The following TRPC7 variants were observed in gnomAD, a reference collection of about 807,000 sequenced individuals.
The protein encoded by TRPC7 is short transient receptor potential channel 7.
A neutral mutation model predicts 90.1 loss-of-function variants in TRPC7; 42 were observed. That is an observed-to-expected ratio of 0.47 (90% CI 0.36 to 0.60). The LOEUF (loss-of-function observed/expected upper bound fraction) is 0.60. Among genes scored for constraint, TRPC7 ranks in the 20% least tolerant of loss-of-function variants. TRPC7 has a pLI of 0.00. For missense variants in TRPC7, 955 were observed against 1,112.3 expected (o/e 0.86, Z 2.01); for synonymous variants, 451 against 436.3 (o/e 1.03, Z -0.42).
At chr5:136,297,487 A>G (rs769885654) in intron 3 of TRPC7, among the ~76,000 whole-genome samples, 19 of 152,142 alleles carry the variant, frequency 1.2e-4, no homozygotes, top group Non-Finnish European at 2.6e-4. Flanking sequence ...ACAAATATAC[A>G]TATATATTAA....
chr5:136,350,908 A>T (rs1760172906), intron 2 of TRPC7, among the ~76,000 whole-genome samples: 2 of 152,222 alleles, frequency 1.3e-5, no homozygotes, highest in Non-Finnish European at 2.9e-5. Flanking sequence ...GTATACAGTC[A>T]TCCCTCAGTA....
chr5:136,341,233 CA>C (rs1759835012), intron 2 of TRPC7, among the ~76,000 whole-genome samples: 3 of 151,904 alleles, frequency 2.0e-5, no homozygotes. Flanking sequence ...TAAAGTTCAT[CA>C]ATAGGGAAAT....
chr5:136,255,466 G>A (rs1446459671), intron 5 of TRPC7, among the ~76,000 whole-genome samples: 1 of 152,208 alleles, frequency 6.6e-6, no homozygotes, highest in East Asian at 1.9e-4. Context: ...TCTAGCAATA[G>A]AGTAATTTTA....
intron 2 of TRPC7, among the ~76,000 whole-genome samples, chr5:136,354,937 A>G (rs1760314456): frequency 2.0e-5 from 3 of 152,166 alleles, no homozygotes; most frequent in Admixed American, 2.0e-4. Context: ...ACCCAATTAC[A>G]TCTCCTTTGA....
chr5:136,244,366 C>T (rs1213180737), intron 7 of TRPC7, among the ~76,000 whole-genome samples: 4 of 152,114 alleles, frequency 2.6e-5, no homozygotes, highest in Non-Finnish European at 4.4e-5. Context: ...CACTGATCTT[C>T]TGAGGGAGTG....
intron 3 of TRPC7, among the ~76,000 whole-genome samples, chr5:136,303,257 C>A (rs1758469266): frequency 6.6e-6 from 1 of 152,116 alleles, no homozygotes; most frequent in Non-Finnish European, 1.5e-5. Flanking sequence ...AACCCTGAGA[C>A]ACTTTACAGC....
chr5:136,257,982 T>C (rs1368631532), intron 5 of TRPC7, among the ~76,000 whole-genome samples: 2 of 152,206 alleles, frequency 1.3e-5, no homozygotes, highest in Non-Finnish European at 2.9e-5. Context: ...CTATTAGCAG[T>C]ATGACTGTGG....
At position 136,241,870 on chromosome 5, in the gene TRPC7, CT is replaced by C. The variant is rs1269346752; in HGVS notation, c.1844+5600del. ...CGCGCCCAGCCTAGGCACCCTTTTT[CT>C]ATGCATTGTCACTCAGCTGTATTTC... On this transcript the variant is annotated intron_variant, in intron 7 of 11. Coordinates refer to ENST00000513104, the MANE Select transcript of TRPC7 (RefSeq NM_020389.3). Among the ~76,000 whole-genome samples, 5 of 152,152 alleles carry C rather than the reference CT, an allele frequency of 3.3e-5. No homozygotes were observed. The East Asian group carries it at 7.7e-4, about 23-fold the overall frequency.
rs1561673727 is a variant in TRPC7, at chr5:136,213,422, C to T, written c.*13G>A. The stretch of plus-strand genomic sequence containing the variant: ...GGAATGCTGGTAGAAGTCACAGACG[C>T]CGATGTGGGCTGCTAAATGTCTTTG... On this transcript the variant is annotated 3_prime_UTR_variant, in exon 12 of 12. Coordinates refer to ENST00000513104, the MANE Select transcript of TRPC7 (RefSeq NM_020389.3). 6.2e-7 allele frequency: 1 copy of T among 1,612,582 alleles called. No homozygotes were observed. Among genetic ancestry groups the T allele is most frequent in the Non-Finnish European group, 8.5e-7 (1 of 1,179,262 alleles).
intron 8 of TRPC7, among the ~76,000 whole-genome samples, chr5:136,227,728 T>C (rs1755675438): frequency 6.6e-6 from 1 of 152,214 alleles, no homozygotes; most frequent in South Asian, 2.1e-4. Flanking sequence ...GCAGCCTGTG[T>C]GGGTTTAAAT....
At chr5:136,296,340 A>T (rs1478558266) in intron 3 of TRPC7, among the ~76,000 whole-genome samples, 1 of 152,248 alleles carries the variant, frequency 6.6e-6, no homozygotes, top group Non-Finnish European at 1.5e-5. Context: ...GGCACTGAAA[A>T]ATAATATAGT....
At chr5:136,328,870 T>C (rs1759418370) in intron 2 of TRPC7, among the ~76,000 whole-genome samples, 1 of 152,220 alleles carries the variant, frequency 6.6e-6, no homozygotes, top group South Asian at 2.1e-4. Flanking sequence ...AGCTTCACCC[T>C]GTGTGAGTCC....
chr5:136,265,381 A>T (rs1756990008), intron 5 of TRPC7, among the ~76,000 whole-genome samples: 1 of 152,174 alleles, frequency 6.6e-6, no homozygotes, highest in Admixed American at 6.5e-5. Context: ...TTTTTGATGT[A>T]AATCTTAAAA....
At chr5:136,335,031 A>G (rs535615307) in intron 2 of TRPC7, among the ~76,000 whole-genome samples, 3 of 152,354 alleles carry the variant, frequency 2.0e-5, no homozygotes, top group African/African-American at 7.2e-5. Flanking sequence ...AATCAGGAAA[A>G]TCAGATTACA....
intron 3 of TRPC7, among the ~76,000 whole-genome samples, chr5:136,304,142 C>CGTT (rs1561710479): frequency 6.6e-6 from 1 of 151,178 alleles, no homozygotes; most frequent in South Asian, 2.1e-4. Context: ...TCATTGCTGC[C>CGTT]CTTCTTCCCA....
intron 5 of TRPC7, among the ~76,000 whole-genome samples, chr5:136,252,884 C>T (rs903791260): frequency 2.0e-5 from 3 of 152,202 alleles, no homozygotes; most frequent in African/African-American, 7.2e-5. Flanking sequence ...GTTGGCGGCC[C>T]AGGGGTTGGG....
At chr5:136,350,293 C>T (rs950822025) in intron 2 of TRPC7, among the ~76,000 whole-genome samples, 1 of 152,184 alleles carries the variant, frequency 6.6e-6, no homozygotes, top group African/African-American at 2.4e-5. Context: ...CCAACCTCCT[C>T]GCTGTCCACT....
chr5:136,256,396 A>G (rs150183440), intron 5 of TRPC7, among the ~76,000 whole-genome samples: 2 of 152,126 alleles, frequency 1.3e-5, no homozygotes, highest in East Asian at 3.9e-4. Flanking sequence ...ATATCTTCCT[A>G]ATTTTCCTTA....
chr5:136,354,112 C>T (rs534513728), intron 2 of TRPC7, among the ~76,000 whole-genome samples: 1 of 152,146 alleles, frequency 6.6e-6, no homozygotes, highest in Non-Finnish European at 1.5e-5. Flanking sequence ...AACTTTTTGG[C>T]TTGAAATATC....
Sources: gnomAD v4.1 joint callset for allele counts (sites outside exome capture counted in the v4.1 genomes callset) on GRCh38, gnomAD v4.1.1 for gene constraint, MANE v1.5 for transcripts, NCBI Gene and HGNC (gene_info 2026-07-23, HGNC 2026-07-21) for gene names.